Variants in FBLN5 observed in about 807,000 individuals in gnomAD.
The protein encoded by FBLN5 is fibulin 5, also known as fibulin-5.
A neutral mutation model predicts 61.6 loss-of-function variants in FBLN5; 24 were observed. The observed-to-expected ratio is 0.39, with a 90% CI of 0.28 to 0.55. The LOEUF is 0.55. FBLN5 is among the 20% of genes least tolerant of loss of function. The probability of loss-of-function intolerance (pLI) is 0.65; values close to 1 mark genes in which losing one functional copy is unlikely to be tolerated. For missense variants in FBLN5, 470 were observed against 594.1 expected (o/e 0.79, Z 2.17); for synonymous variants, 213 against 219.8 (o/e 0.97, Z 0.27).
chr14:91,889,149 T>G (rs932360978), intron 6 of FBLN5, among the ~76,000 whole-genome samples: 5 of 152,050 alleles, frequency 3.3e-5, no homozygotes, highest in Non-Finnish European at 5.9e-5. Flanking sequence ...CCAGTGCCCG[T>G]GGGAGGTTGG....
chr14:91,915,385 T>C (rs1030509183), intron 4 of FBLN5, among the ~76,000 whole-genome samples: 1 of 151,910 alleles, frequency 6.6e-6, no homozygotes, highest in African/African-American at 2.4e-5. Flanking sequence ...CCCCTAACTT[T>C]AAGAAATTAT....
In FBLN5 at chr14:91,937,118, G is replaced by GA; in HGVS notation, c.207dup (p.Pro70SerfsTer52). 2.5e-6 allele frequency: 4 copies of GA among 1,614,102 alleles called. No homozygotes were observed. The highest frequency in any genetic ancestry group is 3.4e-6 in the Non-Finnish European group (4 of 1,180,032). On this transcript the variant is annotated frameshift_variant, in exon 4 of 11. Coordinates refer to ENST00000342058, the MANE Select transcript of FBLN5 (RefSeq NM_006329.4). LOFTEE classifies it high-confidence loss of function. ...CCTCGATACACAGGGTTTGTCCGGG[G>GA]AATGCATAAATACCCGCCATTTTGG...
chr14:91,894,433 A>G (rs969271224), intron 5 of FBLN5, among the ~76,000 whole-genome samples: 8 of 146,206 alleles, frequency 5.5e-5, no homozygotes, highest in African/African-American at 1.5e-4. Context: ...AAAAACCGAA[A>G]AAAACCATTC....
At chr14:91,891,487 C>G in intron 5 of FBLN5, 150 bp from the exon 6 acceptor site, 1 of 719,420 alleles carries the variant, frequency 1.4e-6, no homozygotes, top group Admixed American at 1.8e-5. Flanking sequence ...CTGAGTGTCA[C>G]GGATGGTGAT....
chr14:91,877,352 C>A lies in FBLN5; in HGVS notation c.1185+135G>T, dbSNP rs954266908. On this transcript the variant is annotated intron_variant, in intron 10 of 10. Transcript: ENST00000342058. ...AAGTGGTGGAAACCAGGACCTTGAACCACACCCTCCACTCTTCTCTCTGCC... is the reference window on the plus strand; with the variant it reads ...AAGTGGTGGAAACCAGGACCTTGAAACACACCCTCCACTCTTCTCTCTGCC... 7 of 761,994 alleles carry A rather than the reference C, an allele frequency of 9.2e-6. No homozygotes were observed. The Admixed American group carries it at 1.1e-4, about 12-fold the overall frequency. 47.2% of individuals were successfully genotyped at this position (761,994 alleles called of 1,614,324 possible). A position where few individuals can be genotyped will look rare whatever the true frequency, so the allele number is the denominator to read the frequency against.
chr14:91,890,315 C>A (rs1421162853), intron 6 of FBLN5, among the ~76,000 whole-genome samples: 1 of 152,176 alleles, frequency 6.6e-6, no homozygotes, highest in East Asian at 1.9e-4. Flanking sequence ...CAGGAGCCTG[C>A]CAGCCAGAAC....
intron 7 of FBLN5, among the ~76,000 whole-genome samples, chr14:91,886,280 A>G (rs148401309): frequency 6.6e-6 from 1 of 152,340 alleles, no homozygotes; most frequent in Non-Finnish European, 1.5e-5. Flanking sequence ...AGTGTACTTT[A>G]ATCTAACCTT....
intron 9 of FBLN5, chr14:91,877,930 T>C (rs1229466105): frequency 6.7e-6 from 4 of 597,058 alleles, no homozygotes; most frequent in Admixed American, 6.5e-5. Flanking sequence ...ATACAAACCT[T>C]AGATCTCTGG....
chr14:91,879,662 G>A (rs997351274), intron 9 of FBLN5, among the ~76,000 whole-genome samples: 5 of 152,234 alleles, frequency 3.3e-5, no homozygotes, highest in Admixed American at 6.5e-5. Flanking sequence ...GCCTTACGTC[G>A]GGGGTCAAAG....
chr14:91,898,722 C>T (rs760461838), intron 4 of FBLN5, among the ~76,000 whole-genome samples: 9 of 151,878 alleles, frequency 5.9e-5, no homozygotes, highest in South Asian at 4.2e-4. Context: ...CAGGAAGAGT[C>T]CCCTAAGAGA....
At chr14:91,926,181 A>T (rs1322125113) in intron 4 of FBLN5, among the ~76,000 whole-genome samples, 1 of 152,104 alleles carries the variant, frequency 6.6e-6, no homozygotes, top group Non-Finnish European at 1.5e-5. Flanking sequence ...CCCGACAGCC[A>T]TGCCCTCCAT....
At chr14:91,916,613 A>G (rs939476936) in intron 4 of FBLN5, among the ~76,000 whole-genome samples, 5 of 152,202 alleles carry the variant, frequency 3.3e-5, no homozygotes, top group African/African-American at 1.2e-4. Context: ...TGAGCAGCTC[A>G]GATGGCAGCT....
intron 4 of FBLN5, among the ~76,000 whole-genome samples, chr14:91,918,848 TAA>T (rs2055674815): frequency 6.6e-6 from 1 of 152,124 alleles, no homozygotes; most frequent in Non-Finnish European, 1.5e-5. Context: ...CACGAAGCTT[TAA>T]TGAGTAAGTG....
chr14:91,940,469 G>C lies in FBLN5; in HGVS notation c.124+96C>G, dbSNP rs990215497. On this transcript the variant is annotated intron_variant, in intron 3 of 10. Transcript: ENST00000342058. Reference sequence around the variant, plus strand: ...TCCATGTCACTGTATTCTCCCATGGGCATGGCTAATCATTGAACAACAGAG... The same window carrying C: ...TCCATGTCACTGTATTCTCCCATGGCCATGGCTAATCATTGAACAACAGAG... 13 of 1,011,460 alleles carry C rather than the reference G, an allele frequency of 1.3e-5. 1 individual carries two copies. The Middle Eastern group carries it at 6.1e-4, about 48-fold the overall frequency. 62.7% of individuals were successfully genotyped at this position (1,011,460 alleles called of 1,614,324 possible).
At chr14:91,931,476 C>T (rs1271833510) in intron 4 of FBLN5, among the ~76,000 whole-genome samples, 1 of 152,222 alleles carries the variant, frequency 6.6e-6, no homozygotes, top group Non-Finnish European at 1.5e-5. Context: ...CAGACCAACA[C>T]CACCCACCTT....
rs2474028 is a variant in FBLN5 at position 91,937,316 on chromosome 14, T to C, written c.125-115A>G. On this transcript the variant is annotated intron_variant, in intron 3 of 10. Coordinates refer to ENST00000342058, the MANE Select transcript of FBLN5 (RefSeq NM_006329.4). ...AGGAAGCACTCCCAAACACCTAGGG[T>C]GGTCCCAACTCATCGCGGTAAGGTA... 0.64 allele frequency: 887,858 copies of C among 1,379,868 alleles called. 287,267 individuals are homozygous for C. Among genetic ancestry groups the C allele is most frequent in the African/African-American group, 0.74 (52,080 of 70,056 alleles). The allele number at this position is 1,379,868 out of a possible 1,614,324, so 85.5% of individuals were successfully genotyped here.
intron 4 of FBLN5, among the ~76,000 whole-genome samples, chr14:91,907,963 A>G (rs1371460839): frequency 6.6e-6 from 1 of 152,208 alleles, no homozygotes; most frequent in East Asian, 1.9e-4. Context: ...CATATTAAAA[A>G]AAAACCAAAA....
At chr14:91,929,199 G>T (rs1339038967) in intron 4 of FBLN5, among the ~76,000 whole-genome samples, 1 of 150,864 alleles carries the variant, frequency 6.6e-6, no homozygotes, top group Non-Finnish European at 1.5e-5. Flanking sequence ...TATCTTCTAT[G>T]ATTTTGAAGG....
At chr14:91,907,470 G>A (rs977995656) in intron 4 of FBLN5, among the ~76,000 whole-genome samples, 6 of 152,212 alleles carry the variant, frequency 3.9e-5, no homozygotes, top group East Asian at 1.9e-4. Flanking sequence ...GTAGGAGTTC[G>A]CCAAAAGAAG....
Sources: gnomAD v4.1 joint callset for allele counts (sites outside exome capture counted in the v4.1 genomes callset) on GRCh38, gnomAD v4.1.1 for gene constraint, MANE v1.5 for transcripts, NCBI Gene and HGNC (gene_info 2026-07-23, HGNC 2026-07-21) for gene names.